Variants in STXBP6 observed in about 807,000 individuals in gnomAD.
The protein encoded by STXBP6 is syntaxin-binding protein 6.
Under a neutral mutation model 26.9 loss-of-function variants are expected in STXBP6, and 21 were observed. The observed-to-expected ratio is 0.78, with a 90% CI of 0.55 to 1.12. The LOEUF is 1.12. STXBP6 is among the 50% of genes most tolerant of loss of function. STXBP6 has a pLI of 0.00. For synonymous variants in STXBP6, 97 were observed against 92.6 expected (o/e 1.05, Z -0.27); for missense variants, 232 against 257.9 (o/e 0.90, Z 0.69).
intron 1 of STXBP6, among the ~76,000 whole-genome samples, chr14:25,006,542 G>A (rs1046264972): frequency 2.0e-5 from 3 of 152,168 alleles, no homozygotes; most frequent in Admixed American, 6.5e-5. Context: ...GGAAAGGGAA[G>A]AATCTGATAT....
rs894123992 is a variant in STXBP6, at chr14:24,984,511, T to A, written c.-32-9661A>T. Among the ~76,000 whole-genome samples the A allele has an allele frequency of 6.6e-5, 10 of 152,306 alleles. 1 individual carries two copies. In the South Asian group the frequency reaches 1.9e-3, roughly 28 times the overall value. On this transcript the variant is annotated intron_variant, in intron 1 of 5. Coordinates refer to ENST00000323944, the MANE Select transcript of STXBP6 (RefSeq NM_001394410.1). Reference sequence around the variant, plus strand: ...CCCTTCAATGCCTCAATTTCCCAAATGAAATTTCCAGTGAGGTTTATGAAC... The same window carrying A: ...CCCTTCAATGCCTCAATTTCCCAAAAGAAATTTCCAGTGAGGTTTATGAAC...
At chr14:25,041,375 A>G (rs948196122) in intron 1 of STXBP6, among the ~76,000 whole-genome samples, 5 of 152,236 alleles carry the variant, frequency 3.3e-5, no homozygotes, top group African/African-American at 1.2e-4. Flanking sequence ...GTTATAGTGG[A>G]TAAGGATTTA....
At chr14:24,815,853 C>T (rs2138690052) in intron 5 of STXBP6, 1 of 152,226 alleles carries the variant, frequency 6.6e-6, no homozygotes, top group East Asian at 1.9e-4. Flanking sequence ...GCCCGGAGCT[C>T]AAGAAAGGAC....
intron 2 of STXBP6, among the ~76,000 whole-genome samples, chr14:24,921,445 C>T (rs1016240100): frequency 3.3e-5 from 5 of 152,076 alleles, no homozygotes; most frequent in Non-Finnish European, 7.4e-5. Context: ...AACACACATA[C>T]CAAAAAGCAC....
intron 4 of STXBP6, among the ~76,000 whole-genome samples, chr14:24,838,547 G>A (rs903377447): frequency 1.3e-5 from 2 of 152,084 alleles, no homozygotes; most frequent in African/African-American, 4.8e-5. Flanking sequence ...AGCCAGGCGT[G>A]GTGGCTCGCA....
At chr14:24,900,502 G>T (rs117580588) in intron 2 of STXBP6, among the ~76,000 whole-genome samples, 168 of 152,292 alleles carry the variant, frequency 1.1e-3, no homozygotes, top group African/African-American at 3.9e-3. Flanking sequence ...TAAACTCCAG[G>T]CTTCCTCATC....
rs1031699829 is a variant in STXBP6 at position 25,049,667 on chromosome 14, G to A, written c.-33+211C>T. 1.0e-6 allele frequency: 1 copy of A among 985,712 alleles called. No homozygotes were observed. Among genetic ancestry groups the A allele is most frequent in the African/African-American group, 1.7e-5 (1 of 57,362 alleles). The allele number at this position is 985,712 out of a possible 1,614,324, so 61.1% of individuals were successfully genotyped here. ...CAGGGACACGAGTCCCTCTCTGCGC[G>A]CACAAAGCAGCTGCGCCGGGGCGCG... is the stretch of plus-strand genomic sequence containing the variant. On this transcript the variant is annotated intron_variant, in intron 1 of 5. Transcript: ENST00000323944. This position sits in a 1 kb window ranked among gnomAD's most constrained non-coding sequence, Gnocchi z 5.6.
intron 2 of STXBP6, among the ~76,000 whole-genome samples, chr14:24,880,614 A>C (rs1186766689): frequency 1.3e-5 from 2 of 152,216 alleles, no homozygotes; most frequent in Non-Finnish European, 1.5e-5. Flanking sequence ...CTCTGTATTG[A>C]AAATGAAAGG....
At chr14:24,820,627 G>A (rs2068107191) in intron 4 of STXBP6, among the ~76,000 whole-genome samples, 1 of 152,122 alleles carries the variant, frequency 6.6e-6, no homozygotes, top group South Asian at 2.1e-4. Flanking sequence ...AGAAATCTTG[G>A]TCCCCTTTGC....
chr14:24,953,871 G>T (rs1403249878), intron 2 of STXBP6, among the ~76,000 whole-genome samples: 2 of 152,238 alleles, frequency 1.3e-5, no homozygotes, highest in Non-Finnish European at 2.9e-5. Flanking sequence ...GCATAGAAGA[G>T]ACCAAGAGCG....
At chr14:24,885,070 A>G (rs1826765813) in intron 2 of STXBP6, among the ~76,000 whole-genome samples, 3 of 152,238 alleles carry the variant, frequency 2.0e-5, no homozygotes, top group African/African-American at 7.2e-5. Context: ...AGGATGATAC[A>G]CCTATTTAGA....
At chr14:24,950,850 G>A (rs750843830) in intron 2 of STXBP6, among the ~76,000 whole-genome samples, 6 of 152,160 alleles carry the variant, frequency 3.9e-5, no homozygotes, top group African/African-American at 7.2e-5. Context: ...CCATCAACCC[G>A]TCGCCTACAT....
intron 1 of STXBP6, among the ~76,000 whole-genome samples, chr14:24,989,887 T>A (rs779233629): frequency 2.6e-5 from 4 of 152,206 alleles, no homozygotes; most frequent in Non-Finnish European, 5.9e-5. Context: ...CTCACCTTTA[T>A]ACGTTAAGCA....
At position 24,856,048 on chromosome 14, in the gene STXBP6, G is replaced by A. The variant is rs759668021; in HGVS notation, c.339C>T (p.Ala113=). The A allele has an allele frequency of 1.9e-6, 3 of 1,610,112 alleles. No individual in the cohort carries two copies. Among genetic ancestry groups the A allele is most frequent in the Non-Finnish European group, 2.5e-6 (3 of 1,178,146 alleles). Residue 113 remains alanine, a synonymous_variant, in exon 4 of 6, where the codon GCC becomes GCT. Coordinates refer to ENST00000323944, the MANE Select transcript of STXBP6 (RefSeq NM_001394410.1). The part of the protein sequence containing the change: ...LFENAFDQWV[A]STASEKCTFF... ...AGGTGCATTTTTCTGACGCTGTGCTGGCTACCCACTGGTCAAAAGCATTTT... is the reference window on the plus strand; with the variant it reads ...AGGTGCATTTTTCTGACGCTGTGCTAGCTACCCACTGGTCAAAAGCATTTT...
intron 2 of STXBP6, among the ~76,000 whole-genome samples, chr14:24,864,452 C>T (rs950183602): frequency 1.3e-5 from 2 of 152,070 alleles, no homozygotes; most frequent in African/African-American, 4.8e-5. Context: ...GAGATGGAAG[C>T]GTTTCTGCAG....
At chr14:24,947,545 G>A (rs1481359455) in intron 2 of STXBP6, among the ~76,000 whole-genome samples, 1 of 152,164 alleles carries the variant, frequency 6.6e-6, no homozygotes, top group African/African-American at 2.4e-5. Flanking sequence ...GAGAGGAAGA[G>A]TATCATTCAC....
At chr14:24,984,289 T>C (rs576387201) in intron 1 of STXBP6, among the ~76,000 whole-genome samples, 2 of 152,302 alleles carry the variant, frequency 1.3e-5, no homozygotes, top group Admixed American at 1.3e-4. Context: ...ACCTTCCTTA[T>C]TTGAATCGCT....
At chr14:24,884,898 G>A (rs2070513456) in intron 2 of STXBP6, among the ~76,000 whole-genome samples, 1 of 152,100 alleles carries the variant, frequency 6.6e-6, no homozygotes, top group South Asian at 2.1e-4. Flanking sequence ...AGTCACATGA[G>A]AAATAAATAT....
chr14:24,992,994 CT>C (rs909411242), intron 1 of STXBP6, among the ~76,000 whole-genome samples: 7 of 152,188 alleles, frequency 4.6e-5, no homozygotes, highest in Admixed American at 4.6e-4. Context: ...TTCACAGTTG[CT>C]GCTTGGAACT....
Sources: gnomAD v4.1 joint callset for allele counts (sites outside exome capture counted in the v4.1 genomes callset) on GRCh38, gnomAD v4.1.1 for gene constraint, Gnocchi (gnomAD v3.1) non-coding constraint, MANE v1.5 for transcripts, NCBI Gene and HGNC (gene_info 2026-07-23, HGNC 2026-07-21) for gene names.